Variants in CDH2 observed in about 807,000 individuals in gnomAD.
The protein encoded by CDH2 is cadherin-2.
Under a neutral mutation model 92.0 loss-of-function variants are expected in CDH2, and 17 were observed. The ratio of observed to expected loss-of-function variants is 0.18; its 90% CI spans 0.13 to 0.28. The LOEUF (loss-of-function observed/expected upper bound fraction) is 0.28. Ranked by LOEUF, CDH2 falls within the 10% of genes least tolerant of loss-of-function variation. The pLI, the probability that CDH2 is intolerant of heterozygous loss-of-function variation, is 1.00. For missense variants in CDH2, 862 were observed against 1,133.1 expected (o/e 0.76, Z 3.44); for synonymous variants, 419 against 415.9 (o/e 1.01, Z -0.09).
At chr18:27,944,283 G>A (rs137918637) in intron 6 of CDH2, among the ~76,000 whole-genome samples, 284 of 152,150 alleles carry the variant, frequency 1.9e-3, no homozygotes, top group Non-Finnish European at 3.3e-3. Context: ...CAAGATAAAG[G>A]TCAACATTCT....
chr18:28,132,355 T>A (rs1403106774), intron 2 of CDH2, among the ~76,000 whole-genome samples: 1 of 152,148 alleles, frequency 6.6e-6, no homozygotes, highest in Admixed American at 6.5e-5. Context: ...GCTCAATGAT[T>A]TCATTAAGGG....
intron 1 of CDH2, among the ~76,000 whole-genome samples, chr18:28,170,419 C>T (rs1253011471): frequency 4.6e-5 from 7 of 152,162 alleles, no homozygotes; most frequent in African/African-American, 1.7e-4. Context: ...GATCTCGGCT[C>T]ACTGCAACCT....
intron 7 of CDH2, among the ~76,000 whole-genome samples, chr18:27,994,821 C>A (rs992911866): frequency 2.0e-5 from 3 of 151,940 alleles, no homozygotes; most frequent in African/African-American, 7.3e-5. Flanking sequence ...AAAGCCAAAC[C>A]GCCCACACTA....
intron 2 of CDH2, among the ~76,000 whole-genome samples, chr18:28,045,988 T>C (rs1248129650): frequency 6.6e-6 from 1 of 152,240 alleles, no homozygotes; most frequent in East Asian, 1.9e-4. Context: ...TGTTCATCTT[T>C]ATGATTTCTG....
chr18:28,091,251 A>C (rs1353639527), intron 2 of CDH2, among the ~76,000 whole-genome samples: 1 of 152,190 alleles, frequency 6.6e-6, no homozygotes, highest in African/African-American at 2.4e-5. Context: ...AAGGTGATAA[A>C]ACTGTACTTT....
At chr18:28,122,390 T>G (rs1052937587) in intron 2 of CDH2, among the ~76,000 whole-genome samples, 3 of 152,184 alleles carry the variant, frequency 2.0e-5, no homozygotes, top group African/African-American at 7.2e-5. Flanking sequence ...TTTTTTCTCC[T>G]AGGAGTTTTC....
At chr18:28,058,668 G>A (rs1203623713) in intron 2 of CDH2, among the ~76,000 whole-genome samples, 5 of 152,114 alleles carry the variant, frequency 3.3e-5, no homozygotes, top group East Asian at 1.9e-4. Flanking sequence ...ATGAAATGTC[G>A]GATCTGTTAT....
At chr18:28,164,779 CCTAT>C (rs546750093) in intron 1 of CDH2, among the ~76,000 whole-genome samples, 16 of 152,232 alleles carry the variant, frequency 1.1e-4, no homozygotes, top group Admixed American at 9.2e-4. Flanking sequence ...CAGAAAAGCT[CCTAT>C]CTGATATACC....
chr18:28,137,851 A>C (rs984545341), intron 2 of CDH2, among the ~76,000 whole-genome samples: 1 of 152,142 alleles, frequency 6.6e-6, no homozygotes, highest in African/African-American at 2.4e-5. Flanking sequence ...AATGATCTAA[A>C]TCCCGTTACT....
chr18:27,980,479 G>T (rs934297726), intron 14 of CDH2, among the ~76,000 whole-genome samples: 1 of 152,092 alleles, frequency 6.6e-6, no homozygotes, highest in South Asian at 2.1e-4. Context: ...AGGAGAAAGA[G>T]CCTTGGTGTG....
At chr18:28,140,453 T>C (rs1225721775) in intron 2 of CDH2, among the ~76,000 whole-genome samples, 3 of 151,624 alleles carry the variant, frequency 2.0e-5, no homozygotes, top group Non-Finnish European at 2.9e-5. Flanking sequence ...TATTAGGAGG[T>C]GGAATTTGTG....
intron 2 of CDH2, among the ~76,000 whole-genome samples, chr18:28,074,769 G>A (rs563512391): frequency 2.3e-4 from 34 of 147,432 alleles, no homozygotes; most frequent in African/African-American, 8.5e-4. Context: ...GAGAATTCTT[G>A]GCTAAAAATT....
chr18:27,980,073 G>A (rs1035488640), intron 14 of CDH2, among the ~76,000 whole-genome samples: 2 of 152,192 alleles, frequency 1.3e-5, no homozygotes, highest in South Asian at 4.1e-4. Flanking sequence ...CTTTCTAGGA[G>A]AAGATCCACA....
intron 2 of CDH2, among the ~76,000 whole-genome samples, chr18:28,039,692 T>G (rs2013911346): frequency 6.6e-6 from 1 of 151,872 alleles, no homozygotes; most frequent in Admixed American, 6.6e-5. Context: ...GTATCGTGTG[T>G]TTTTTTTGTC....
At chr18:28,014,254 C>T (rs1437942002) in intron 2 of CDH2, among the ~76,000 whole-genome samples, 1 of 152,102 alleles carries the variant, frequency 6.6e-6, no homozygotes, top group African/African-American at 2.4e-5. Context: ...TCTTCAGTCC[C>T]AGGTCTAAAG....
At chr18:28,166,021 A>G (rs2144361385) in intron 1 of CDH2, among the ~76,000 whole-genome samples, 1 of 151,446 alleles carries the variant, frequency 6.6e-6, no homozygotes, top group Admixed American at 6.6e-5. Flanking sequence ...AAATATGTAT[A>G]TGTGAAAACA....
At chr18:28,019,922 A>G (rs1031967914) in intron 2 of CDH2, among the ~76,000 whole-genome samples, 1 of 152,136 alleles carries the variant, frequency 6.6e-6, no homozygotes, top group Non-Finnish European at 1.5e-5. Context: ...CTCCTTGATG[A>G]AATATTAGTC....
chr18:28,160,355 G>A (rs1342271310), intron 1 of CDH2, among the ~76,000 whole-genome samples: 1 of 152,074 alleles, frequency 6.6e-6, no homozygotes. Flanking sequence ...AGTGCTGAGG[G>A]GCCTCAGCTT....
chr18:28,084,012 T>C (rs1159193854), intron 2 of CDH2, among the ~76,000 whole-genome samples: 1 of 152,160 alleles, frequency 6.6e-6, no homozygotes, highest in African/African-American at 2.4e-5. Flanking sequence ...TCACATATAA[T>C]CTGAAGTCTG....
Sources: gnomAD v4.1 joint callset for allele counts (sites outside exome capture counted in the v4.1 genomes callset) on GRCh38, gnomAD v4.1.1 for gene constraint, MANE v1.5 for transcripts, NCBI Gene and HGNC (gene_info 2026-07-23, HGNC 2026-07-21) for gene names.